The following SOX5 variants were observed in gnomAD, a reference collection of about 807,000 sequenced individuals.
The protein encoded by SOX5 is SRY-box transcription factor 5.
A neutral mutation model predicts 92.0 loss-of-function variants in SOX5; 9 were observed. That is an observed-to-expected ratio of 0.10 (90% CI 0.06 to 0.17). The LOEUF (loss-of-function observed/expected upper bound fraction) is 0.17, where lower values mean the gene tolerates loss of function less well. Ranked by LOEUF, SOX5 falls within the 10% of genes least tolerant of loss-of-function variation. SOX5 has a pLI of 1.00. For synonymous variants in SOX5, 344 were observed against 336.3 expected (o/e 1.02, Z -0.25); for missense variants, 642 against 944.5 (o/e 0.68, Z 4.20).
chr12:24,388,758 T>C (rs76440641), intron 1 of SOX5, among the ~76,000 whole-genome samples: 6,018 of 152,182 alleles, frequency 0.04, 149 homozygotes, highest in African/African-American at 0.057. Flanking sequence ...TCAGCAGTCA[T>C]TCCCAATTTC....
upstream of SOX5, among the ~76,000 whole-genome samples, chr12:23,950,410 T>C (rs890839700): frequency 6.6e-6 from 1 of 152,138 alleles, no homozygotes; most frequent in African/African-American, 2.4e-5. Context: ...GTCTCACTGT[T>C]AGCTCGTGCT....
chr12:23,561,136 C>A (rs184828479), intron 11 of SOX5, among the ~76,000 whole-genome samples: 3 of 152,220 alleles, frequency 2.0e-5, no homozygotes, highest in Admixed American at 2.0e-4. Flanking sequence ...AACTGTCCAA[C>A]AGGTTTTGGA....
intron 4 of SOX5, among the ~76,000 whole-genome samples, chr12:23,979,707 G>GTTTTTTT (rs1177945407): frequency 9.0e-5 from 7 of 77,468 alleles, no homozygotes; most frequent in Admixed American, 2.0e-4. Context: ...TGTTTTTTTT[G>GTTTTTTT]TTTTTTTTTT....
intron 4 of SOX5, among the ~76,000 whole-genome samples, chr12:24,128,960 G>C (rs547475755): frequency 1.0e-3 from 157 of 152,008 alleles, no homozygotes; most frequent in Admixed American, 1.8e-3. Flanking sequence ...GAAATGGAGA[G>C]CTTCAAGATA....
intron 4 of SOX5, among the ~76,000 whole-genome samples, chr12:23,744,655 A>G (rs1360267627): frequency 6.6e-6 from 1 of 152,190 alleles, no homozygotes; most frequent in African/African-American, 2.4e-5. Context: ...ATAAAAGTGT[A>G]TAGTAAAAGA....
At chr12:23,920,466 G>T (rs898822194) in intron 1 of SOX5, 3 of 152,148 alleles carry the variant, frequency 2.0e-5, no homozygotes, top group Non-Finnish European at 2.9e-5. Flanking sequence ...TCCCAGCATG[G>T]ACTACTGGCA....
intron 11 of SOX5, among the ~76,000 whole-genome samples, chr12:23,562,156 TAC>T (rs1946318886): frequency 6.6e-6 from 1 of 152,216 alleles, no homozygotes; most frequent in Admixed American, 6.5e-5. Flanking sequence ...ACCAATGTCA[TAC>T]GTCTTATGTT....
intron 2 of SOX5, among the ~76,000 whole-genome samples, chr12:24,334,067 A>C (rs1170943747): frequency 6.6e-6 from 1 of 151,708 alleles, no homozygotes; most frequent in Non-Finnish European, 1.5e-5. Context: ...GAATACAGTT[A>C]TTTGGGAAAT....
rs1287984901 is a variant in SOX5 at position 24,098,440 on chromosome 12, T to A, written c.-2+114903A>T. On this transcript the variant is annotated intron_variant, in intron 4 of 4. Transcript: ENST00000446891. ...GTTTTCAATTGCTTGGAAATTAGTA[T>A]CAAGTTGACCCTTTAACTGAGTTGA... 5.9e-5 allele frequency among the ~76,000 whole-genome samples: 9 copies of A among 152,228 alleles called. No individual in the cohort carries two copies. In the South Asian group the frequency reaches 1.9e-3, roughly 32 times the overall value.
At chr12:23,560,875 A>G (rs769016449) in intron 11 of SOX5, among the ~76,000 whole-genome samples, 2 of 152,218 alleles carry the variant, frequency 1.3e-5, no homozygotes, top group South Asian at 2.1e-4. Context: ...AATAATCTCA[A>G]TTTCATTTTC....
At chr12:23,877,051 T>C (rs2096935290) in intron 2 of SOX5, among the ~76,000 whole-genome samples, 1 of 152,064 alleles carries the variant, frequency 6.6e-6, no homozygotes, top group Non-Finnish European at 1.5e-5. Context: ...TAGGTGATGG[T>C]TGATGGGTAC....
chr12:23,694,490 C>T (rs895541982), intron 6 of SOX5, among the ~76,000 whole-genome samples: 19 of 152,256 alleles, frequency 1.2e-4, no homozygotes, highest in Admixed American at 4.6e-4. Flanking sequence ...TTGATGAATT[C>T]TCTCTTTACC....
At chr12:23,805,321 A>G (rs1240535282) in intron 3 of SOX5, among the ~76,000 whole-genome samples, 2 of 151,938 alleles carry the variant, frequency 1.3e-5, no homozygotes, top group Non-Finnish European at 2.9e-5. Flanking sequence ...GTTGATGCAT[A>G]TGTGTGTGTG....
At chr12:23,813,845 A>T (rs2095928716) in intron 3 of SOX5, among the ~76,000 whole-genome samples, 1 of 152,200 alleles carries the variant, frequency 6.6e-6, no homozygotes, top group Admixed American at 6.6e-5. Context: ...AATTATTCTT[A>T]TTGAAATAAC....
chr12:23,733,212 C>T (rs989440729), intron 6 of SOX5, among the ~76,000 whole-genome samples: 5 of 152,138 alleles, frequency 3.3e-5, no homozygotes, highest in African/African-American at 1.2e-4. Flanking sequence ...TATTGGCACA[C>T]TTGTCAAATT....
intron 1 of SOX5, among the ~76,000 whole-genome samples, chr12:23,935,457 C>T (rs1433475407): frequency 6.6e-6 from 1 of 151,180 alleles, no homozygotes; most frequent in Non-Finnish European, 1.5e-5. Flanking sequence ...AGCAAAAATA[C>T]TGCCTGTCTG....
intron 3 of SOX5, among the ~76,000 whole-genome samples, chr12:24,273,799 A>G (rs1321934537): frequency 6.6e-6 from 1 of 152,132 alleles, no homozygotes; most frequent in African/African-American, 2.4e-5. Flanking sequence ...CTTTGCTTTT[A>G]TAATATGTTC....
At chr12:23,568,572 G>A (rs1947566533) in intron 10 of SOX5, among the ~76,000 whole-genome samples, 1 of 152,124 alleles carries the variant, frequency 6.6e-6, no homozygotes, top group Admixed American at 6.5e-5. Context: ...CTGATATGCA[G>A]CATGTCTGGC....
chr12:23,617,882 C>A (rs1047352821), intron 8 of SOX5, among the ~76,000 whole-genome samples: 1 of 152,210 alleles, frequency 6.6e-6, no homozygotes, highest in African/African-American at 2.4e-5. Flanking sequence ...CTGATAGTTT[C>A]TCTTTCGCTC....
Sources: allele counts gnomAD v4.1 joint callset (sites outside exome capture counted in the v4.1 genomes callset), GRCh38; gene constraint gnomAD v4.1.1; transcripts MANE v1.5; gene names NCBI Gene and HGNC (gene_info 2026-07-23, HGNC 2026-07-21).